DNAH9: variants seen among roughly 807,000 people sequenced by gnomAD.
DNAH9 encodes dynein axonemal heavy chain 9.
DNAH9 carries 345 observed loss-of-function variants against 471.6 expected under a neutral mutation model. The observed-to-expected ratio is 0.73, with a 90% confidence interval of 0.67 to 0.80. The LOEUF is 0.80. Among genes scored for constraint, DNAH9 ranks in the 30% least tolerant of loss-of-function variants. The probability of loss-of-function intolerance (pLI) is 0.00; values close to 1 mark genes in which losing one functional copy is unlikely to be tolerated. For missense variants in DNAH9, 5,407 were observed against 5,609.2 expected, an observed-to-expected ratio of 0.96 and a Z score of 1.15; for synonymous variants, 2,093 against 2,123.6, an observed-to-expected ratio of 0.99 and a Z score of 0.40.
intron 43 of DNAH9, among the ~76,000 whole-genome samples, chr17:11,798,390 G>A (rs1428831689): frequency 6.8e-5 from 9 of 132,290 alleles, no homozygotes; most frequent in African/African-American, 1.5e-4. Flanking sequence ...CCAAGATGGC[G>A]CCACTGCACT....
In DNAH9 at chr17:11,652,812, A is replaced by G; in HGVS notation, c.2405A>G (p.Gln802Arg). ...ACCAGTAGTATTCATGATCTTGAAC[A>G]AAGAATTCAGAAAACTAAAGACAAT... ...EITSSIHDLE[Q>R]RIQKTKDNVE... The change falls in exon 14 of 69, where the codon CAA (glutamine) becomes CGA (arginine). Residue 802 changes from glutamine (Q) to arginine (R), a missense_variant. Physicochemically the swap from Gln to Arg is conservative, Grantham distance 43. Coordinates refer to ENST00000262442, the MANE Select transcript of DNAH9 (RefSeq NM_001372.4). 1 of 1,613,656 alleles carries G rather than the reference A, an allele frequency of 6.2e-7. No individual in the cohort carries two copies. The highest frequency in any genetic ancestry group is 8.5e-7 in the Non-Finnish European group (1 of 1,179,564).
Position 11,937,425 on chromosome 17 carries a change from T to C in DNAH9, c.12563T>C (p.Leu4188Pro), listed in dbSNP as rs769085717. The C allele has an allele frequency of 1.9e-6, 3 of 1,614,174 alleles. No individual in the cohort carries two copies. The highest frequency in any genetic ancestry group is 2.5e-6 in the Non-Finnish European group (3 of 1,179,998). ...GLHPNAEIGF[L>P]TQTSEKLFRT... ...CACCCGAACGCAGAGATTGGCTTCC[T>C]GACCCAAACCTCAGAAAAGCTCTTC... Residue 4188 changes from leucine to proline, a missense_variant, in exon 66 of 69, where the codon CTG (leucine) becomes CCG (proline). By Grantham distance (98) the Leu-to-Pro change is moderately conservative (BLOSUM62 -3). Transcript: ENST00000262442. The surrounding 1 kb of genome is among the most constrained non-coding windows in gnomAD (Gnocchi z 4.1).
chr17:11,911,301 G>A (rs560300417), intron 61 of DNAH9, among the ~76,000 whole-genome samples: 21 of 152,168 alleles, frequency 1.4e-4, no homozygotes, highest in South Asian at 8.3e-4. Flanking sequence ...ATTCTTTCCC[G>A]GTTAAATGAT....
intron 67 of DNAH9, among the ~76,000 whole-genome samples, chr17:11,946,070 C>T (rs1047159635): frequency 3.3e-5 from 5 of 150,820 alleles, no homozygotes; most frequent in African/African-American, 1.2e-4. Context: ...CGTGGTGGCA[C>T]GCACCTGTAA....
At chr17:11,605,214 T>A (rs943104614) in intron 1 of DNAH9, among the ~76,000 whole-genome samples, 1 of 152,152 alleles carries the variant, frequency 6.6e-6, no homozygotes. Context: ...TGTTCAAATC[T>A]TATCTTCTCA....
chr17:11,732,698 T>G (rs1374379606), intron 28 of DNAH9, among the ~76,000 whole-genome samples: 2 of 152,220 alleles, frequency 1.3e-5, no homozygotes. Context: ...TACTTACTTT[T>G]TTCTGGAATA....
At chr17:11,794,421 A>C (rs1199800184) in intron 42 of DNAH9, among the ~76,000 whole-genome samples, 1 of 152,218 alleles carries the variant, frequency 6.6e-6, no homozygotes, top group Non-Finnish European at 1.5e-5. Context: ...ATTTGGTCTA[A>C]TAATAATCTA....
At chr17:11,915,461 T>C (rs1242885552) in intron 61 of DNAH9, among the ~76,000 whole-genome samples, 4 of 151,784 alleles carry the variant, frequency 2.6e-5, no homozygotes, top group Non-Finnish European at 4.4e-5. Flanking sequence ...GAGACGGAGG[T>C]TGCAATGAGC....
At chr17:11,966,634 C>T (rs141028834) in intron 68 of DNAH9, among the ~76,000 whole-genome samples, 1,737 of 152,192 alleles carry the variant, frequency 0.011, 36 homozygotes, top group African/African-American at 0.04. Context: ...AGGACAACTG[C>T]ATAAGGAAAT....
intron 1 of DNAH9, among the ~76,000 whole-genome samples, chr17:11,602,663 T>C (rs139671805): frequency 3.9e-5 from 6 of 152,304 alleles, no homozygotes; most frequent in Non-Finnish European, 7.4e-5. Flanking sequence ...TAATATGTGG[T>C]TATTTCCAAA....
chr17:11,844,913 C>T (rs1414321291), intron 49 of DNAH9, among the ~76,000 whole-genome samples: 2 of 151,648 alleles, frequency 1.3e-5, no homozygotes, highest in Non-Finnish European at 2.9e-5. Context: ...CTACGTTGAG[C>T]TTTTTTTCAT....
At chr17:11,833,711 A>G (rs1970746364) in intron 48 of DNAH9, among the ~76,000 whole-genome samples, 1 of 152,194 alleles carries the variant, frequency 6.6e-6, no homozygotes, top group African/African-American at 2.4e-5. Flanking sequence ...CTGACTTAGC[A>G]AGCTGGCTTC....
intron 67 of DNAH9, among the ~76,000 whole-genome samples, chr17:11,946,122 C>T (rs1261301753): frequency 6.7e-6 from 1 of 148,498 alleles, no homozygotes; most frequent in Admixed American, 6.8e-5. Flanking sequence ...ATAGTTTGAA[C>T]CCGGGAGGTG....
intron 62 of DNAH9, among the ~76,000 whole-genome samples, chr17:11,929,467 G>A (rs1301552871): frequency 6.6e-6 from 1 of 152,180 alleles, no homozygotes; most frequent in Non-Finnish European, 1.5e-5. Flanking sequence ...ACAAGAATCT[G>A]TATTTTAAGA....
At position 11,768,569 on chromosome 17, in the gene DNAH9, C is replaced by T. The variant is rs745641624; in HGVS notation, c.7287C>T (p.Phe2429=). ...DYYIDPETKK[F]EPWSKLVPQF... is the part of the protein sequence containing the mutation. ...ACATCGACCCAGAGACCAAGAAATT[C>T]GAGCCTTGGTCCAAGCTCGTCCCCC... The change falls in exon 37 of 69, where the codon TTC becomes TTT. Residue 2429 remains phenylalanine (F), a synonymous_variant. Coordinates refer to ENST00000262442, the MANE Select transcript of DNAH9 (RefSeq NM_001372.4). 1.2e-5 allele frequency: 20 copies of T among 1,614,014 alleles called. No individual in the cohort carries two copies. The highest frequency in any genetic ancestry group is 4.5e-5 in the East Asian group (2 of 44,880).
rs904613907 is a variant in DNAH9, at chr17:11,969,209, T to C, written c.13234-91T>C. On this transcript the variant is annotated intron_variant, in intron 68 of 68. Transcript: ENST00000262442. ...TAAAGGCAGCCATGTCAGTCCAGTC[T>C]TTCCTCCCTTGGATCTGCTGACAAG... 3 of 1,174,494 alleles carry C rather than the reference T, an allele frequency of 2.6e-6. No individual in the cohort carries two copies. The African/African-American group carries it at 4.6e-5, about 18-fold the overall frequency. 72.8% of individuals were successfully genotyped at this position (1,174,494 alleles called of 1,614,324 possible). A position where few individuals can be genotyped will look rare whatever the true frequency, so the allele number is the denominator to read the frequency against.
chr17:11,780,978 G>T, intron 38 of DNAH9, 31 bp from the exon 39 acceptor site: 1 of 1,604,642 alleles, frequency 6.2e-7, no homozygotes, highest in Non-Finnish European at 8.5e-7. Flanking sequence ...GATTTGAGCC[G>T]CCTTCCCTCA....
intron 53 of DNAH9, among the ~76,000 whole-genome samples, chr17:11,875,409 C>T (rs1024925312): frequency 2.8e-4 from 42 of 152,172 alleles, no homozygotes; most frequent in Non-Finnish European, 4.4e-5. Flanking sequence ...AACCTCTCGA[C>T]CCATTCTGGG....
intron 62 of DNAH9, among the ~76,000 whole-genome samples, chr17:11,927,106 G>T (rs921658391): frequency 1.2e-4 from 19 of 152,056 alleles, no homozygotes; most frequent in African/African-American, 4.1e-4. Context: ...TAATGAGGTT[G>T]TTTGTTTTTT....
Sources: gnomAD v4.1 joint callset for allele counts (sites outside exome capture counted in the v4.1 genomes callset) on GRCh38, gnomAD v4.1.1 for gene constraint, Gnocchi (gnomAD v3.1) non-coding constraint, MANE v1.5 for transcripts, NCBI Gene and HGNC (gene_info 2026-07-23, HGNC 2026-07-21) for gene names.